TSPAN5: variants seen among roughly 807,000 people sequenced by gnomAD.
The protein encoded by TSPAN5 is tetraspanin-5.
A neutral mutation model predicts 37.1 loss-of-function variants in TSPAN5; 10 were observed. The ratio of observed to expected loss-of-function variants is 0.27; its 90% confidence interval spans 0.17 to 0.46. TSPAN5 has a LOEUF of 0.46. TSPAN5 is among the 20% of genes least tolerant of loss of function. The pLI, the probability that TSPAN5 is intolerant of heterozygous loss-of-function variation, is 1.00. For missense variants in TSPAN5, 195 were observed against 326.6 expected (o/e 0.60, Z 3.11); for synonymous variants, 110 against 118.9 (o/e 0.93, Z 0.48).
At chr4:98,571,987 T>C (rs1014067497) in intron 1 of TSPAN5, among the ~76,000 whole-genome samples, 3 of 124,686 alleles carry the variant, frequency 2.4e-5, no homozygotes, top group Non-Finnish European at 5.1e-5. Flanking sequence ...TATTTATTTA[T>C]TTAGAGACAC....
chr4:98,655,651 T>C (rs1757281090), intron 1 of TSPAN5, among the ~76,000 whole-genome samples: 1 of 152,002 alleles, frequency 6.6e-6, no homozygotes, highest in South Asian at 2.1e-4. Flanking sequence ...TGTATGGGAG[T>C]AGCACCGAGT....
intron 1 of TSPAN5, among the ~76,000 whole-genome samples, chr4:98,572,967 A>G (rs1222241136): frequency 6.6e-6 from 1 of 152,214 alleles, no homozygotes; most frequent in Non-Finnish European, 1.5e-5. Context: ...TCTGTCTCTA[A>G]GTCCTCATAA....
chr4:98,632,811 A>G (rs12504972), intron 1 of TSPAN5, among the ~76,000 whole-genome samples: 15,635 of 152,180 alleles, frequency 0.1, 1,127 homozygotes, highest in South Asian at 0.3. Flanking sequence ...GTGGAAGAGA[A>G]GGAAGAGGAG....
At chr4:98,529,519 G>A (rs10002696) in intron 1 of TSPAN5, among the ~76,000 whole-genome samples, 1 of 152,086 alleles carries the variant, frequency 6.6e-6, no homozygotes, top group Non-Finnish European at 1.5e-5. Context: ...TAAAGTTTCA[G>A]GACAACCACT....
chr4:98,480,983 A>G (rs1381097896), intron 4 of TSPAN5, among the ~76,000 whole-genome samples: 1 of 151,850 alleles, frequency 6.6e-6, no homozygotes, highest in Non-Finnish European at 1.5e-5. Context: ...TCCCTTCATC[A>G]CAGGCAGACA....
intron 1 of TSPAN5, among the ~76,000 whole-genome samples, chr4:98,559,325 T>C (rs1229581379): frequency 6.6e-6 from 1 of 152,152 alleles, no homozygotes; most frequent in Admixed American, 6.5e-5. Context: ...ATATTCAACA[T>C]GAATATTACT....
intron 1 of TSPAN5, among the ~76,000 whole-genome samples, chr4:98,567,813 C>T (rs1578998111): frequency 2.0e-5 from 3 of 151,800 alleles, no homozygotes; most frequent in East Asian, 1.9e-4. Context: ...GGTGGCGGGG[C>T]GGGGGGCCTG....
intron 1 of TSPAN5, among the ~76,000 whole-genome samples, chr4:98,616,491 A>G (rs551839293): frequency 6.6e-6 from 1 of 152,274 alleles, no homozygotes; most frequent in African/African-American, 2.4e-5. Context: ...AGAGCTGTTT[A>G]AAAACAAAAC....
chr4:98,646,107 A>T (rs890110229), intron 1 of TSPAN5, among the ~76,000 whole-genome samples: 1 of 141,880 alleles, frequency 7.0e-6, no homozygotes, highest in Non-Finnish European at 1.5e-5. Context: ...TACAGGTGGC[A>T]AAAAAAAAAG....
chr4:98,540,049 T>A (rs1754323421), intron 1 of TSPAN5, among the ~76,000 whole-genome samples: 1 of 151,974 alleles, frequency 6.6e-6, no homozygotes, highest in South Asian at 2.1e-4. Flanking sequence ...AACTCACAGC[T>A]TGACTGCAAC....
chr4:98,615,199 C>T (rs986945117), intron 1 of TSPAN5, among the ~76,000 whole-genome samples: 1 of 152,158 alleles, frequency 6.6e-6, no homozygotes, highest in African/African-American at 2.4e-5. Context: ...CTATGAAAAC[C>T]CCTGCTACAG....
At position 98,472,667 on chromosome 4, in the gene TSPAN5, T is replaced by C; in HGVS notation, c.742-80A>G. 2.4e-6 allele frequency: 3 copies of C among 1,260,174 alleles called. No homozygotes were observed. In the South Asian group the frequency reaches 3.8e-5, roughly 16 times the overall value. The allele number at this position is 1,260,174 out of a possible 1,614,324, so 78.1% of individuals were successfully genotyped here. On this transcript the variant is annotated intron_variant, in intron 7 of 7. Transcript: ENST00000305798. ...GGCCACTGTGTCCCATTTTTTTAAA[T>C]CATTGATTTTTGAAATTTAAGATGT...
intron 1 of TSPAN5, among the ~76,000 whole-genome samples, chr4:98,520,425 G>A (rs1406859181): frequency 6.6e-6 from 1 of 152,188 alleles, no homozygotes; most frequent in Non-Finnish European, 1.5e-5. Flanking sequence ...TGGGAGGCAC[G>A]GAAACTGCCA....
intron 1 of TSPAN5, among the ~76,000 whole-genome samples, chr4:98,536,781 T>C (rs1453889393): frequency 6.6e-6 from 1 of 152,194 alleles, no homozygotes; most frequent in Non-Finnish European, 1.5e-5. Flanking sequence ...CCCAGTGCCT[T>C]TGTTTAAACT....
At chr4:98,555,858 CCTGTTAAACAAAAAGGATCCACCACA>C (rs1342024153) in intron 1 of TSPAN5, among the ~76,000 whole-genome samples, 1 of 152,098 alleles carries the variant, frequency 6.6e-6, no homozygotes, top group African/African-American at 2.4e-5. Flanking sequence ...TCTGACCTAC[CCTGTTAAACAAAAAGGATCCACCACA>C]CTGTTAGGAT....
At chr4:98,533,951 A>AAAAAAAAAAAC (rs1308302480) in intron 1 of TSPAN5, among the ~76,000 whole-genome samples, 3 of 144,432 alleles carry the variant, frequency 2.1e-5, no homozygotes, top group Non-Finnish European at 3.0e-5. Context: ...AAAAAAAAAA[A>AAAAAAAAAAAC]AAAAAAAAAA....
At chr4:98,530,687 T>A (rs1447999031) in intron 1 of TSPAN5, among the ~76,000 whole-genome samples, 1 of 152,030 alleles carries the variant, frequency 6.6e-6, no homozygotes, top group Non-Finnish European at 1.5e-5. Flanking sequence ...CTAGAGCAGT[T>A]ATTAGATTCA....
intron 1 of TSPAN5, among the ~76,000 whole-genome samples, chr4:98,617,484 G>A (rs1267867360): frequency 6.6e-6 from 1 of 152,130 alleles, no homozygotes; most frequent in Non-Finnish European, 1.5e-5. Flanking sequence ...TGTCAAAGGG[G>A]ACAGCCAAGC....
intron 2 of TSPAN5, 66 bp downstream of exon 2, chr4:98,507,612 A>G (rs1168551027): frequency 8.3e-7 from 1 of 1,210,286 alleles, no homozygotes; most frequent in Non-Finnish European, 1.2e-6. Context: ...AAAGGGGGAT[A>G]ATACATAATA....
Sources: gnomAD v4.1 joint callset for allele counts (sites outside exome capture counted in the v4.1 genomes callset) on GRCh38, gnomAD v4.1.1 for gene constraint, MANE v1.5 for transcripts, NCBI Gene and HGNC (gene_info 2026-07-23, HGNC 2026-07-21) for gene names.